The following VAV3 variants were observed in gnomAD, a reference collection of about 807,000 sequenced individuals.
VAV3 encodes the protein vav guanine nucleotide exchange factor 3, also known as guanine nucleotide exchange factor VAV3.
Under a neutral mutation model 131.2 loss-of-function variants are expected in VAV3, and 94 were observed. The ratio of observed to expected loss-of-function variants is 0.72; its 90% CI spans 0.61 to 0.85. VAV3 has a LOEUF of 0.85. Ranked by LOEUF, VAV3 falls within the 40% of genes least tolerant of loss-of-function variation. VAV3 has a pLI of 0.00. For synonymous variants in VAV3, 349 were observed against 342.0 expected (o/e 1.02, Z -0.22); for missense variants, 939 against 1,002.7 (o/e 0.94, Z 0.86).
At chr1:107,851,436 G>T (rs1170750168) in intron 2 of VAV3, among the ~76,000 whole-genome samples, 6 of 148,076 alleles carry the variant, frequency 4.1e-5, no homozygotes, top group African/African-American at 7.4e-5. Context: ...TTTCAATAGT[G>T]AATTTTCATT....
At chr1:107,901,239 T>A (rs1019075935) in intron 1 of VAV3, among the ~76,000 whole-genome samples, 1 of 152,204 alleles carries the variant, frequency 6.6e-6, no homozygotes, top group African/African-American at 2.4e-5. Flanking sequence ...CTGTGTCCCA[T>A]AACCTACTAG....
rs1451767382 is a variant in VAV3, at chr1:107,755,426, C to T, written c.1173+1G>A. On this transcript the variant is annotated splice_donor_variant, in intron 12 of 26. Coordinates refer to ENST00000370056, the MANE Select transcript of VAV3 (RefSeq NM_006113.5). LOFTEE classifies it high-confidence loss of function. ...AGCTGGATGGAAAGATAATTACATA[C>T]CAAATTCTCTATAGATAGCTGAAAC... 6.2e-7 allele frequency: 1 copy of T among 1,603,748 alleles called. No homozygotes were observed. The highest frequency in any genetic ancestry group is 8.5e-7 in the Non-Finnish European group (1 of 1,170,914).
chr1:107,831,317 G>T (rs944477597), intron 2 of VAV3, among the ~76,000 whole-genome samples: 1 of 152,060 alleles, frequency 6.6e-6, no homozygotes, highest in Non-Finnish European at 1.5e-5. Context: ...CCAACTCAAG[G>T]TTAATGGAAC....
At chr1:107,713,610 C>T (rs1245777777) in intron 15 of VAV3, among the ~76,000 whole-genome samples, 1 of 152,064 alleles carries the variant, frequency 6.6e-6, no homozygotes, top group Non-Finnish European at 1.5e-5. Context: ...GACATCATTT[C>T]ACGTGTCAGA....
chr1:107,827,023 AAGTT>A (rs1203471257), intron 2 of VAV3, among the ~76,000 whole-genome samples: 1 of 152,114 alleles, frequency 6.6e-6, no homozygotes, highest in Non-Finnish European at 1.5e-5. Flanking sequence ...AATGACCTAA[AAGTT>A]AGTATGCTGT....
intron 2 of VAV3, among the ~76,000 whole-genome samples, chr1:107,835,921 T>C (rs555492905): frequency 6.6e-6 from 1 of 152,342 alleles, no homozygotes; most frequent in African/African-American, 2.4e-5. Flanking sequence ...CAGCTCAGGC[T>C]GCCCCTAAGG....
chr1:107,797,973 C>T lies in VAV3; in HGVS notation c.322-18481G>A, dbSNP rs571493889. Among the ~76,000 whole-genome samples, 108 of 152,250 alleles carry T rather than the reference C, an allele frequency of 7.1e-4. 1 individual carries two copies. The highest frequency in any genetic ancestry group is 8.2e-4 in the Non-Finnish European group (56 of 68,024). ...CTGGTCCAGGTACCATATTTGAGAA[C>T]CACTGACATAGAGCGATAAGCCATG... is the stretch of plus-strand genomic sequence containing the variant. On this transcript the variant is annotated intron_variant, in intron 2 of 26. Coordinates refer to ENST00000370056, the MANE Select transcript of VAV3 (RefSeq NM_006113.5).
intron 20 of VAV3, among the ~76,000 whole-genome samples, chr1:107,618,588 C>T (rs1333176440): frequency 1.3e-5 from 2 of 152,148 alleles, no homozygotes; most frequent in African/African-American, 4.8e-5. Flanking sequence ...TTAATATGTG[C>T]TAGACACTGC....
intron 2 of VAV3, among the ~76,000 whole-genome samples, chr1:107,804,519 G>C (rs909736824): frequency 6.6e-6 from 1 of 152,116 alleles, no homozygotes; most frequent in Admixed American, 6.6e-5. Context: ...AGAAACAAGA[G>C]AGAACTTTAA....
At chr1:107,737,905 T>C (rs1453983763) in intron 15 of VAV3, among the ~76,000 whole-genome samples, 2 of 152,190 alleles carry the variant, frequency 1.3e-5, no homozygotes, top group Non-Finnish European at 2.9e-5. Context: ...CACATGCCCA[T>C]GTATGTTTAC....
intron 9 of VAV3, among the ~76,000 whole-genome samples, chr1:107,763,793 T>C (rs1422910797): frequency 6.6e-6 from 1 of 152,172 alleles, no homozygotes; most frequent in African/African-American, 2.4e-5. Context: ...TTGTGGGAGT[T>C]GTGAGCTATG....
chr1:107,905,849 A>G (rs745356487), intron 1 of VAV3, among the ~76,000 whole-genome samples: 37 of 152,214 alleles, frequency 2.4e-4, no homozygotes, highest in Non-Finnish European at 4.4e-5. Flanking sequence ...GAAAATGTTA[A>G]AGATACATGT....
intron 1 of VAV3, among the ~76,000 whole-genome samples, chr1:107,914,748 C>G (rs544101435): frequency 6.6e-6 from 1 of 152,232 alleles, no homozygotes; most frequent in Admixed American, 6.5e-5. Context: ...TTAGTGCTTA[C>G]TTAGTAGGCA....
At chr1:107,795,510 TCTTAACCTATCTCCCCTCCCCC>T (rs1666493733) in intron 2 of VAV3, among the ~76,000 whole-genome samples, 1 of 152,156 alleles carries the variant, frequency 6.6e-6, no homozygotes, top group Admixed American at 6.5e-5. Flanking sequence ...TTATCTTCTC[TCTTAACCTATCTCCCCTCCCCC>T]CAGGAAAAAA....
At chr1:107,622,129 T>C (rs982220401) in intron 20 of VAV3, among the ~76,000 whole-genome samples, 9 of 152,156 alleles carry the variant, frequency 5.9e-5, no homozygotes, top group Non-Finnish European at 1.3e-4. Flanking sequence ...AGAAAATGTA[T>C]CAAACTAAAA....
chr1:107,594,394 G>A lies in VAV3; in HGVS notation c.2350+1818C>T, dbSNP rs7537311. On this transcript the variant is annotated intron_variant, in intron 25 of 26. Transcript: ENST00000370056. ...GAATAATTGATGAACAAAACCAAAC[G>A]ATAACAAATATAAAATTTTCAATGA... 2.6e-5 allele frequency among the ~76,000 whole-genome samples: 4 copies of A among 151,710 alleles called. No individual in the cohort carries two copies. The South Asian group carries it at 8.3e-4, about 31-fold the overall frequency.
rs1405612242 is a variant in VAV3 at position 107,574,103 on chromosome 1, T to C, written c.2446A>G (p.Lys816Glu). The change falls in exon 26 of 27, where the codon AAG becomes GAG. Residue 816 changes from lysine (K) to glutamate (E), a missense_variant. Coordinates refer to ENST00000370056, the MANE Select transcript of VAV3 (RefSeq NM_006113.5). ...TTTGCACTCATCTTTGTGTAAATCT[T>C]CACCACATCTCCTTTCAACAAGGAC... is the stretch of plus-strand genomic sequence containing the variant. ...ELSLLKGDVV[K>E]IYTKMSANGW... is the part of the protein sequence containing the mutation. 6.2e-7 allele frequency: 1 copy of C among 1,614,166 alleles called. No individual in the cohort carries two copies. Among genetic ancestry groups the C allele is most frequent in the Non-Finnish European group, 8.5e-7 (1 of 1,180,024 alleles).
intron 21 of VAV3, among the ~76,000 whole-genome samples, chr1:107,614,745 G>T (rs895811380): frequency 6.6e-6 from 1 of 151,974 alleles, no homozygotes; most frequent in Non-Finnish European, 1.5e-5. Flanking sequence ...TCACTCCTTT[G>T]TTCATTCATT....
intron 7 of VAV3, among the ~76,000 whole-genome samples, chr1:107,767,784 C>T (rs972058301): frequency 6.6e-6 from 1 of 152,222 alleles, no homozygotes; most frequent in Non-Finnish European, 1.5e-5. Flanking sequence ...CCTAGCATTA[C>T]CTCACTTGGC....
Sources: gnomAD v4.1 joint callset for allele counts (sites outside exome capture counted in the v4.1 genomes callset) on GRCh38, gnomAD v4.1.1 for gene constraint, MANE v1.5 for transcripts, NCBI Gene and HGNC (gene_info 2026-07-23, HGNC 2026-07-21) for gene names.